PCDHA5: variants seen among roughly 807,000 people sequenced by gnomAD.
The protein encoded by PCDHA5 is protocadherin alpha-5.
A neutral mutation model predicts 61.6 loss-of-function variants in PCDHA5; 43 were observed. That is an observed-to-expected ratio of 0.70 (90% CI 0.55 to 0.90). The LOEUF (loss-of-function observed/expected upper bound fraction) is 0.90. PCDHA5 is among the 40% of genes least tolerant of loss of function. PCDHA5 has a pLI of 0.00. For synonymous variants in PCDHA5, 627 were observed against 543.9 expected (o/e 1.15, Z -2.13); for missense variants, 1,298 against 1,222.7 (o/e 1.06, Z -0.92).
intron 3 of PCDHA5, among the ~76,000 whole-genome samples, chr5:141,003,377 T>C (rs2098121331): frequency 6.6e-6 from 1 of 152,180 alleles, no homozygotes; most frequent in African/African-American, 2.4e-5. Context: ...AGTGGTGCAA[T>C]CTCAGCTCAC....
chr5:140,878,516 G>C (rs2057626740), intron 1 of PCDHA5, among the ~76,000 whole-genome samples: 1 of 152,122 alleles, frequency 6.6e-6, no homozygotes, highest in African/African-American at 2.4e-5. Context: ...CAGTACAGTT[G>C]GTAACCAACT....
At chr5:140,831,068 A>G (rs1322669648) in intron 1 of PCDHA5, 1 of 152,158 alleles carries the variant, frequency 6.6e-6, no homozygotes, top group Non-Finnish European at 1.5e-5. Flanking sequence ...CCCCTTTTAA[A>G]CCATTGAGGA....
At chr5:140,939,207 T>C (rs1013809748) in intron 1 of PCDHA5, among the ~76,000 whole-genome samples, 1 of 152,180 alleles carries the variant, frequency 6.6e-6, no homozygotes, top group Non-Finnish European at 1.5e-5. Context: ...GAATGTCACC[T>C]TCTTGCTGTC....
chr5:140,822,866 T>A lies in PCDHA5; in HGVS notation c.1091T>A (p.Leu364His). Residue 364 changes from leucine (L) to histidine (H), a missense_variant, in exon 1 of 4, where the codon CTC (leucine) becomes CAC (histidine). Leu to His is a moderately conservative substitution (Grantham distance 99). Transcript: ENST00000529859. ...CTGCCTGTCAAAGAGGACGCTCCACTCAGCACGGTCATTGCTCTGATCAGC... is the reference window on the plus strand; with the variant it reads ...CTGCCTGTCAAAGAGGACGCTCCACACAGCACGGTCATTGCTCTGATCAGC... ...LFLPVKEDAP[L>H]STVIALISVS... 3 of 1,614,194 alleles carry A rather than the reference T, an allele frequency of 1.9e-6. No individual in the cohort carries two copies. The highest frequency in any genetic ancestry group is 2.5e-6 in the Non-Finnish European group (3 of 1,180,044).
intron 1 of PCDHA5, among the ~76,000 whole-genome samples, chr5:140,900,358 A>C (rs2067968295): frequency 6.6e-6 from 1 of 151,358 alleles, no homozygotes. Flanking sequence ...GCTCACCGCA[A>C]CCTCTGCCTC....
At chr5:140,843,679 C>T (rs2150364894) in intron 1 of PCDHA5, 1 of 1,589,886 alleles carries the variant, frequency 6.3e-7, no homozygotes, top group Non-Finnish European at 8.6e-7. Flanking sequence ...TTGATGTAGG[C>T]GAAGAGCAAG....
intron 1 of PCDHA5, among the ~76,000 whole-genome samples, chr5:140,915,886 T>G (rs1259377999): frequency 2.6e-5 from 4 of 152,186 alleles, no homozygotes; most frequent in Admixed American, 6.5e-5. Flanking sequence ...GGGTAGCAAG[T>G]TCCCCCTGGC....
intron 1 of PCDHA5, among the ~76,000 whole-genome samples, chr5:140,954,134 A>G (rs1443838127): frequency 6.6e-6 from 1 of 152,194 alleles, no homozygotes; most frequent in Non-Finnish European, 1.5e-5. Flanking sequence ...TTATGGATGC[A>G]TAGTATTCCA....
At chr5:140,940,822 A>G (rs1446773813) in intron 1 of PCDHA5, among the ~76,000 whole-genome samples, 9 of 152,200 alleles carry the variant, frequency 5.9e-5, no homozygotes, top group Admixed American at 3.9e-4. Context: ...GAGATCTTGG[A>G]TGGAAATACC....
chr5:140,947,905 G>C (rs181055131), intron 1 of PCDHA5, among the ~76,000 whole-genome samples: 1 of 151,610 alleles, frequency 6.6e-6, no homozygotes, highest in East Asian at 1.9e-4. Flanking sequence ...GGTGAGAGCA[G>C]ACATTCTTGC....
chr5:140,821,863 C>A lies in PCDHA5; in HGVS notation c.88C>A (p.Leu30Ile), dbSNP rs1268753327. The A allele has an allele frequency of 5.0e-6, 8 of 1,614,110 alleles. No individual in the cohort carries two copies. The highest frequency in any genetic ancestry group is 5.1e-6 in the Non-Finnish European group (6 of 1,180,048). ...LAYWKAGSGQLHYSIPEEAKH... is the reference protein window; with the variant it reads ...LAYWKAGSGQIHYSIPEEAKH... ...CTACTGGAAGGCAGGGAGCGGCCAG[C>A]TCCACTACTCGATCCCGGAGGAAGC... is the stretch of plus-strand genomic sequence containing the variant. The change falls in exon 1 of 4, where the codon CTC becomes ATC. Residue 30 changes from leucine (L) to isoleucine (I), a missense_variant. Physicochemically the swap from Leu to Ile is conservative, Grantham distance 5. Coordinates refer to ENST00000529859, the MANE Select transcript of PCDHA5 (RefSeq NM_018908.3).
In PCDHA5 at chr5:140,823,261, C is replaced by A; in HGVS notation, c.1486C>A (p.Arg496=). 2.5e-6 allele frequency: 4 copies of A among 1,613,028 alleles called. No homozygotes were observed. Among genetic ancestry groups the A allele is most frequent in the Non-Finnish European group, 3.4e-6 (4 of 1,179,780 alleles). Residue 496 remains arginine (R), a synonymous_variant, in exon 1 of 4, where the codon CGG becomes AGG. Coordinates refer to ENST00000529859, the MANE Select transcript of PCDHA5 (RefSeq NM_018908.3). The stretch of plus-strand genomic sequence containing the variant: ...CCTGGTGTCCTACTCGCTGGTGGAG[C>A]GGCGGGTGGGCGAGCGCCCGCTGTC... ...NALVSYSLVE[R]RVGERPLSSY...
In PCDHA5 at chr5:140,823,139, C is replaced by T. The variant is rs1317356250; in HGVS notation, c.1364C>T (p.Ala455Val). 1.2e-6 allele frequency: 2 copies of T among 1,613,696 alleles called. No homozygotes were observed. The highest frequency in any genetic ancestry group is 1.7e-5 in the Admixed American group (1 of 60,002). ...GTGAACGACAACGCTCCGGCGTTCG[C>T]GCAGCCCCAGTATACCGTGTTCGTG... ...ADVNDNAPAF[A>V]QPQYTVFVKE... The change falls in exon 1 of 4, where the codon GCG becomes GTG. Residue 455 changes from alanine (A) to valine (V), a missense_variant. By Grantham distance (64) the Ala-to-Val change is moderately conservative. Transcript: ENST00000529859.
intron 1 of PCDHA5, among the ~76,000 whole-genome samples, chr5:140,941,026 C>T (rs1330663914): frequency 6.6e-6 from 1 of 152,066 alleles, no homozygotes; most frequent in Admixed American, 6.5e-5. Flanking sequence ...TTCCTTCTGG[C>T]CTTTTTGGTG....
At position 140,871,935 on chromosome 5, in the gene PCDHA5, T is replaced by C. The variant is rs373740331; in HGVS notation, c.2352+47808T>C. The stretch of plus-strand genomic sequence containing the variant: ...GATATTTCCACATTGTTAGATCAAC[T>C]GGCTTTGTTTTTCTAAAGGGAGGAG... On this transcript the variant is annotated intron_variant, in intron 1 of 3. Coordinates refer to ENST00000529859, the MANE Select transcript of PCDHA5 (RefSeq NM_018908.3). Among the ~76,000 whole-genome samples, 4 of 152,380 alleles carry C rather than the reference T, an allele frequency of 2.6e-5. No individual in the cohort carries two copies. The East Asian group carries it at 7.7e-4, about 29-fold the overall frequency.
chr5:140,969,106 A>G, intron 1 of PCDHA5: 1 of 1,614,132 alleles, frequency 6.2e-7, no homozygotes, highest in Non-Finnish European at 8.5e-7. Flanking sequence ...ACTTCATTGA[A>G]GTTCGAGGGA....
chr5:140,928,276 GC>G, intron 1 of PCDHA5: 1 of 1,614,172 alleles, frequency 6.2e-7, no homozygotes. Flanking sequence ...TGGCCCTGGG[GC>G]CTCTCTAGGC....
At chr5:140,849,566 T>C in intron 1 of PCDHA5, 2 of 1,598,556 alleles carry the variant, frequency 1.3e-6, no homozygotes, top group Non-Finnish European at 1.7e-6. Flanking sequence ...CGCTCTCGGT[T>C]CCTGTAAAAG....
At chr5:140,869,775 C>A (rs2051402857) in intron 1 of PCDHA5, 5 of 1,612,980 alleles carry the variant, frequency 3.1e-6, no homozygotes, top group Non-Finnish European at 4.2e-6. Flanking sequence ...AGCTTACTGG[C>A]ACCGTTCGGC....
Sources: gnomAD v4.1 joint callset for allele counts (sites outside exome capture counted in the v4.1 genomes callset) on GRCh38, gnomAD v4.1.1 for gene constraint, MANE v1.5 for transcripts, NCBI Gene and HGNC (gene_info 2026-07-23, HGNC 2026-07-21) for gene names.